Variants in PLCB4 observed in about 807,000 individuals in gnomAD.
The protein encoded by PLCB4 is 1-phosphatidylinositol 4,5-bisphosphate phosphodiesterase beta-4.
A neutral mutation model predicts 178.8 loss-of-function variants in PLCB4; 77 were observed. That is an observed-to-expected ratio of 0.43 (90% CI 0.36 to 0.52). PLCB4 has a LOEUF of 0.52. Among genes scored for constraint, PLCB4 ranks in the 20% least tolerant of loss-of-function variants. PLCB4 has a pLI of 0.00. For synonymous variants in PLCB4, 496 were observed against 490.8 expected, an observed-to-expected ratio of 1.01 and a Z score of -0.14; for missense variants, 1,024 against 1,453.4, an observed-to-expected ratio of 0.70 and a Z score of 4.80.
chr20:9,131,895 A>G (rs1230891936), intron 2 of PLCB4, among the ~76,000 whole-genome samples: 1 of 152,150 alleles, frequency 6.6e-6, no homozygotes, highest in Non-Finnish European at 1.5e-5. Context: ...CCTTGATGCT[A>G]CATAAATGTT....
At chr20:9,465,695 G>C (rs2043727946) in intron 35 of PLCB4, among the ~76,000 whole-genome samples, 1 of 152,136 alleles carries the variant, frequency 6.6e-6, no homozygotes, top group Admixed American at 6.5e-5. Context: ...TTGCTACAAA[G>C]AGAATAAAAT....
intron 2 of PLCB4, among the ~76,000 whole-genome samples, chr20:9,099,498 C>A (rs931229377): frequency 6.6e-6 from 1 of 152,082 alleles, no homozygotes; most frequent in African/African-American, 2.4e-5. Context: ...AAATTGAGTT[C>A]ATCATTTACA....
At chr20:9,085,162 T>G (rs893071304) in intron 1 of PLCB4, among the ~76,000 whole-genome samples, 4 of 152,204 alleles carry the variant, frequency 2.6e-5, no homozygotes, top group African/African-American at 9.7e-5. Flanking sequence ...TGCATACATT[T>G]GATTAAGTGT....
intron 2 of PLCB4, among the ~76,000 whole-genome samples, chr20:9,119,210 A>G (rs1360425937): frequency 6.6e-6 from 1 of 152,140 alleles, no homozygotes; most frequent in African/African-American, 2.4e-5. Context: ...TCTAGGTTAC[A>G]TTCTTAACTT....
In PLCB4 at chr20:9,478,917, A is replaced by G. The variant is rs2044732292; in HGVS notation, c.3533-4A>G. On this transcript the variant is annotated splice_polypyrimidine_tract_variant and splice_region_variant and intron_variant, in intron 39 of 39. Transcript: ENST00000378473. ...CACGTAAGGCCATGTTTCTGATGTT[A>G]TAGGCGAAGGAGATGCAGCAGATGG... 2 of 1,611,544 alleles carry G rather than the reference A, an allele frequency of 1.2e-6. No homozygotes were observed. Among genetic ancestry groups the G allele is most frequent in the East Asian group, 2.2e-5 (1 of 44,868 alleles).
rs187414531 is a variant in PLCB4 at position 9,399,684 on chromosome 20, T to C, written c.1511-1806T>C. ...GCATATCTGCACACTCAGAAAGTGA[T>C]CATGTATTCATACAATTCTCTTAAG... On this transcript the variant is annotated intron_variant, in intron 19 of 39. Coordinates refer to ENST00000378473, the MANE Select transcript of PLCB4 (RefSeq NM_001377142.1). Among the ~76,000 whole-genome samples, 20 of 152,372 alleles carry C rather than the reference T, an allele frequency of 1.3e-4. No homozygotes were observed. The East Asian group carries it at 3.9e-3, about 29-fold the overall frequency.
chr20:9,456,540 T>C (rs1202876828), intron 33 of PLCB4, among the ~76,000 whole-genome samples: 2 of 152,220 alleles, frequency 1.3e-5, no homozygotes, highest in African/African-American at 4.8e-5. Context: ...TGCATGCCCT[T>C]ATGCCCTCAG....
intron 9 of PLCB4, among the ~76,000 whole-genome samples, chr20:9,369,032 T>C (rs1045380085): frequency 6.6e-5 from 10 of 152,206 alleles, no homozygotes; most frequent in Non-Finnish European, 1.5e-4. Context: ...TCTCCCTTCT[T>C]GGCCCCCTCC....
intron 1 of PLCB4, among the ~76,000 whole-genome samples, chr20:9,076,936 A>G (rs1452419598): frequency 6.6e-6 from 1 of 152,184 alleles, no homozygotes; most frequent in Non-Finnish European, 1.5e-5. Context: ...ACCCTTTTCC[A>G]CCTACACCCA....
intron 2 of PLCB4, among the ~76,000 whole-genome samples, chr20:9,186,270 T>A (rs1039978973): frequency 6.6e-6 from 1 of 152,238 alleles, no homozygotes; most frequent in Non-Finnish European, 1.5e-5. Flanking sequence ...TATCTACTCA[T>A]GAGATAAGAG....
chr20:9,355,689 T>C (rs1214759301), intron 7 of PLCB4, among the ~76,000 whole-genome samples: 1 of 151,956 alleles, frequency 6.6e-6, no homozygotes, highest in East Asian at 1.9e-4. Flanking sequence ...CTTAATCCAG[T>C]CTATCATTGT....
chr20:9,172,394 C>A (rs768911336), intron 2 of PLCB4, among the ~76,000 whole-genome samples: 3 of 152,206 alleles, frequency 2.0e-5, no homozygotes, highest in Non-Finnish European at 4.4e-5. Flanking sequence ...TAAAACCTCA[C>A]CTTGCTGAAG....
At chr20:9,453,667 TG>T (rs2042901818) in intron 33 of PLCB4, among the ~76,000 whole-genome samples, 1 of 152,198 alleles carries the variant, frequency 6.6e-6, no homozygotes, top group Non-Finnish European at 1.5e-5. Flanking sequence ...GCTTCTGGTT[TG>T]GGGAAGGTTC....
intron 7 of PLCB4, among the ~76,000 whole-genome samples, chr20:9,356,777 A>G (rs577692761): frequency 2.2e-4 from 34 of 152,326 alleles, no homozygotes; most frequent in African/African-American, 7.7e-4. Context: ...GCACCTTGAA[A>G]GTAGCTACTT....
intron 2 of PLCB4, among the ~76,000 whole-genome samples, chr20:9,170,844 G>A (rs1490306958): frequency 1.3e-5 from 2 of 152,184 alleles, no homozygotes; most frequent in Non-Finnish European, 2.9e-5. Context: ...AAAATGGCCT[G>A]GAGGCAGAAA....
At chr20:9,174,609 T>G (rs2093123925) in intron 2 of PLCB4, among the ~76,000 whole-genome samples, 1 of 152,200 alleles carries the variant, frequency 6.6e-6, no homozygotes, top group Admixed American at 6.5e-5. Context: ...CCTAATTATT[T>G]TCCCCTGGGA....
intron 16 of PLCB4, among the ~76,000 whole-genome samples, chr20:9,390,171 A>T (rs535116138): frequency 1.3e-5 from 2 of 152,318 alleles, no homozygotes; most frequent in African/African-American, 2.4e-5. Flanking sequence ...TGTCCCCCCA[A>T]ACCAAATCAT....
At chr20:9,266,249 C>CTT (rs1226757254) in intron 3 of PLCB4, among the ~76,000 whole-genome samples, 2 of 151,846 alleles carry the variant, frequency 1.3e-5, no homozygotes, top group Admixed American at 6.6e-5. Context: ...TGAGAATCTG[C>CTT]TTTTTTTTGT....
chr20:9,417,749 C>T (rs537591283), intron 25 of PLCB4, among the ~76,000 whole-genome samples: 40 of 152,238 alleles, frequency 2.6e-4, no homozygotes, highest in African/African-American at 9.6e-4. Context: ...TATGGTAACT[C>T]TATGTTTAAC....
Sources: gnomAD v4.1 joint callset for allele counts (sites outside exome capture counted in the v4.1 genomes callset) on GRCh38, gnomAD v4.1.1 for gene constraint, MANE v1.5 for transcripts, NCBI Gene and HGNC (gene_info 2026-07-23, HGNC 2026-07-21) for gene names.